The following OTOG variants were observed in gnomAD, a reference collection of about 807,000 sequenced individuals.
OTOG encodes otogelin.
In OTOG, 296 loss-of-function variants were observed where a neutral mutation model predicts 313.8. The observed-to-expected ratio is 0.94, with a 90% confidence interval of 0.86 to 1.04. The LOEUF (loss-of-function observed/expected upper bound fraction) is 1.04, where lower values mean the gene tolerates loss of function less well. OTOG is among the 50% of genes least tolerant of loss of function. The pLI, the probability that OTOG is intolerant of heterozygous loss-of-function variation, is 0.00. For synonymous variants in OTOG, 1,533 were observed against 1,554.9 expected (o/e 0.99, Z 0.33); for missense variants, 3,948 against 3,840.1 (o/e 1.03, Z -0.74).
At chr11:17,602,532 GCTT>G (rs1363445009) in intron 32 of OTOG, among the ~76,000 whole-genome samples, 155 bp downstream of exon 32, 2 of 152,172 alleles carry the variant, frequency 1.3e-5, no homozygotes, top group Non-Finnish European at 2.9e-5. Context: ...TTCTGGGTCA[GCTT>G]CTTCTCCTCT....
chr11:17,592,296 CA>C (rs2134058983), intron 25 of OTOG, among the ~76,000 whole-genome samples: 1 of 152,254 alleles, frequency 6.6e-6, no homozygotes, highest in Non-Finnish European at 1.5e-5. Context: ...GTAATAATAA[CA>C]ATGACAAAAC....
chr11:17,547,352 C>A lies in OTOG; in HGVS notation c.-21C>A. On this transcript the variant is annotated 5_prime_UTR_variant, in exon 1 of 56. Transcript: ENST00000399397. ...GGGAGGCTGGCCCTGCGCTCAAGTC[C>A]TCCGGTCCCCTCGTGTCCCTATGGG... 1 of 1,334,056 alleles carries A rather than the reference C, an allele frequency of 7.5e-7. No individual in the cohort carries two copies. Among genetic ancestry groups the A allele is most frequent in the Non-Finnish European group, 9.6e-7 (1 of 1,047,046 alleles). The allele number at this position is 1,334,056 out of a possible 1,614,324, so 82.6% of individuals were successfully genotyped here. A position where few individuals can be genotyped will look rare whatever the true frequency, so the allele number is the denominator to read the frequency against.
At chr11:17,582,792 T>G (rs1852702017) in intron 23 of OTOG, among the ~76,000 whole-genome samples, 1 of 152,196 alleles carries the variant, frequency 6.6e-6, no homozygotes, top group African/African-American at 2.4e-5. Flanking sequence ...TTTTGCCCAT[T>G]TTTAAATTTG....
chr11:17,568,616 G>A (rs1217152687), intron 15 of OTOG, among the ~76,000 whole-genome samples: 1 of 152,206 alleles, frequency 6.6e-6, no homozygotes, highest in African/African-American at 2.4e-5. Flanking sequence ...GCTCAGTTAA[G>A]TGTTTAAATG....
chr11:17,577,332 A>G (rs1363263281), intron 22 of OTOG, among the ~76,000 whole-genome samples: 1 of 151,994 alleles, frequency 6.6e-6, no homozygotes, highest in Non-Finnish European at 1.5e-5. Flanking sequence ...TGGGCTTTTG[A>G]GACCCTCCTA....
chr11:17,592,948 T>C (rs1852985526), intron 25 of OTOG, among the ~76,000 whole-genome samples: 1 of 152,220 alleles, frequency 6.6e-6, no homozygotes, highest in South Asian at 2.1e-4. Flanking sequence ...ATCCCTATTA[T>C]ATATTTATTA....
chr11:17,562,037 TAA>T (rs560554139), intron 15 of OTOG, among the ~76,000 whole-genome samples: 2 of 131,834 alleles, frequency 1.5e-5, no homozygotes, highest in South Asian at 2.6e-4. Flanking sequence ...TTTTACTACC[TAA>T]AAAAAAAATA....
chr11:17,629,153 T>C lies in OTOG; in HGVS notation c.6549T>C (p.Pro2183=). 1 of 1,550,344 alleles carries C rather than the reference T, an allele frequency of 6.5e-7. No individual in the cohort carries two copies. Among genetic ancestry groups the C allele is most frequent in the Non-Finnish European group, 8.7e-7 (1 of 1,146,872 alleles). ...FNRKVTVDLQ[P]VWPPVSRYGF... ...CCAAGGTGACTGTGGACTTGCAGCC[T>C]GTGTGGCCACCGGTGAGCAGGTATG... The change falls in exon 40 of 56, where the codon CCT becomes CCC. Residue 2183 remains proline, a synonymous_variant. Transcript: ENST00000399397.
chr11:17,594,292 C>A, intron 28 of OTOG, 126 bp downstream of exon 28: 1 of 1,223,674 alleles, frequency 8.2e-7, no homozygotes. Context: ...TTCTCTCAGC[C>A]TCTGACTGCA....
intron 19 of OTOG, 123 bp from the exon 20 acceptor site, chr11:17,574,597 T>A (rs557813419): frequency 3.0e-6 from 3 of 1,004,670 alleles, no homozygotes; most frequent in African/African-American, 3.3e-5. Flanking sequence ...ACCTGCTGTG[T>A]GACCTCAGAC....
chr11:17,593,373 A>G (rs1216826271), intron 26 of OTOG, 46 bp downstream of exon 26: 2 of 1,545,922 alleles, frequency 1.3e-6, no homozygotes, highest in East Asian at 2.4e-5. Flanking sequence ...TTTACAGGTT[A>G]CCAGGGTTGG....
At chr11:17,585,087 G>A (rs1014421813) in intron 23 of OTOG, among the ~76,000 whole-genome samples, 1 of 152,138 alleles carries the variant, frequency 6.6e-6, no homozygotes, top group African/African-American at 2.4e-5. Flanking sequence ...TCAATTTTTG[G>A]AAGAGTTTGT....
chr11:17,598,570 TATGGGGCAG>T (rs991634917), intron 30 of OTOG, among the ~76,000 whole-genome samples: 3 of 152,300 alleles, frequency 2.0e-5, no homozygotes, highest in African/African-American at 7.2e-5. Context: ...CTGGCAGGTC[TATGGGGCAG>T]ATGTACGTAG....
In OTOG at chr11:17,557,334, G is replaced by T. The variant is rs551688579; in HGVS notation, c.865+11G>T. 3.5e-5 allele frequency: 54 copies of T among 1,549,958 alleles called. No homozygotes were observed. In the South Asian group the frequency reaches 5.2e-4, roughly 15 times the overall value. On this transcript the variant is annotated intron_variant, in intron 8 of 55. Transcript: ENST00000399397. ...TGGTGACCAGCTCTGGTGAGGGTCA[G>T]ACAGGTGGCCTCTGAGGGGTGTTGG...
intron 39 of OTOG, among the ~76,000 whole-genome samples, chr11:17,623,500 G>A (rs972083044): frequency 3.3e-5 from 5 of 152,194 alleles, no homozygotes; most frequent in African/African-American, 9.7e-5. Flanking sequence ...TGGCTGCATA[G>A]TATTCCATGG....
In OTOG at chr11:17,555,898, GTAACTC is replaced by G; in HGVS notation, c.659+6_659+11del. 6.5e-7 allele frequency: 1 copy of G among 1,548,490 alleles called. No individual in the cohort carries two copies. The highest frequency in any genetic ancestry group is 1.2e-5 in the South Asian group (1 of 84,024). ...AGGAGGTCACCCATGGAGGCATGAG[GTAACTC>G]TAACACCTTCCACATCGAGCTGTCC... On this transcript the variant is annotated splice_donor_variant and splice_donor_5th_base_variant and intron_variant, in intron 7 of 55. Coordinates refer to ENST00000399397, the MANE Select transcript of OTOG (RefSeq NM_001292063.2). LOFTEE classifies it high-confidence loss of function.
In OTOG at chr11:17,606,065, C is replaced by A; in HGVS notation, c.4086C>A (p.Gly1362=). ...CCAGCTCCTTCCTCTATGTGTCGGG[C>A]GCGGTGCTGGCCCTGCGGCTGTACG... ...AKPSSFLYVS[G]AVLALRLYEH... The change falls in exon 33 of 56, where the codon GGC becomes GGA. Residue 1362 remains glycine, a synonymous_variant. Coordinates refer to ENST00000399397, the MANE Select transcript of OTOG (RefSeq NM_001292063.2). 1 of 1,550,382 alleles carries A rather than the reference C, an allele frequency of 6.5e-7. No homozygotes were observed. Among genetic ancestry groups the A allele is most frequent in the South Asian group, 1.2e-5 (1 of 84,024 alleles).
chr11:17,609,248 C>T, intron 35 of OTOG, 39 bp downstream of exon 35: 1 of 1,521,494 alleles, frequency 6.6e-7, no homozygotes, highest in Non-Finnish European at 8.9e-7. Context: ...CTCAGATTTC[C>T]TCTAAGTCCC....
At chr11:17,591,726 G>A in intron 25 of OTOG, 138 bp downstream of exon 25, 1 of 1,146,230 alleles carries the variant, frequency 8.7e-7, no homozygotes. Context: ...GAGACTGGAA[G>A]AAGTGCTGAG....
Sources: gnomAD v4.1 joint callset for allele counts (sites outside exome capture counted in the v4.1 genomes callset) on GRCh38, gnomAD v4.1.1 for gene constraint, MANE v1.5 for transcripts, NCBI Gene and HGNC (gene_info 2026-07-23, HGNC 2026-07-21) for gene names.